Variants in SND1 observed in about 807,000 individuals in gnomAD.
SND1 encodes staphylococcal nuclease and tudor domain containing 1.
Under a neutral mutation model 121.7 loss-of-function variants are expected in SND1, and 38 were observed. The ratio of observed to expected loss-of-function variants is 0.31; its 90% CI spans 0.24 to 0.41. The LOEUF is 0.41. Among genes scored for constraint, SND1 ranks in the 10% least tolerant of loss-of-function variants. SND1 has a pLI of 1.00. For synonymous variants in SND1, 401 were observed against 447.4 expected (o/e 0.90, Z 1.31); for missense variants, 868 against 1,184.6 (o/e 0.73, Z 3.92).
At chr7:128,032,037 C>G (rs865907454) in intron 16 of SND1, 1 of 151,834 alleles carries the variant, frequency 6.6e-6, no homozygotes, top group Non-Finnish European at 1.5e-5. Context: ...GCGCCGGGCT[C>G]GCGGTGTTGC....
chr7:127,684,111 A>G (rs1795773895), intron 1 of SND1, among the ~76,000 whole-genome samples: 1 of 152,188 alleles, frequency 6.6e-6, no homozygotes, highest in Admixed American at 6.5e-5. Flanking sequence ...GGCTCTTCTC[A>G]TCAGTCCCTC....
chr7:127,667,533 G>T (rs1795440424), intron 1 of SND1, among the ~76,000 whole-genome samples: 1 of 152,196 alleles, frequency 6.6e-6, no homozygotes, highest in Admixed American at 6.5e-5. Context: ...CGCAGTAGCT[G>T]CTGTCCCCCA....
chr7:127,866,507 A>G (rs2116692366), intron 12 of SND1, among the ~76,000 whole-genome samples: 1 of 152,188 alleles, frequency 6.6e-6, no homozygotes, highest in East Asian at 1.9e-4. Context: ...GAAGGTAGTG[A>G]TTTAGTTATT....
chr7:127,890,358 T>C (rs948063268), intron 13 of SND1, among the ~76,000 whole-genome samples: 5 of 152,168 alleles, frequency 3.3e-5, no homozygotes, highest in African/African-American at 1.2e-4. Context: ...ATTTTGCCTA[T>C]TATTTTAATT....
At chr7:127,879,951 C>A (rs1266393781) in intron 12 of SND1, among the ~76,000 whole-genome samples, 6 of 152,274 alleles carry the variant, frequency 3.9e-5, no homozygotes, top group Non-Finnish European at 8.8e-5. Flanking sequence ...GAGATATATG[C>A]CTCTACTATC....
Position 128,030,751 on chromosome 7 carries a change from A to T in SND1, c.1779+39695A>T, listed in dbSNP as rs1226352113. On this transcript the variant is annotated intron_variant, in intron 16 of 23. Transcript: ENST00000354725. ...AGCTCCTCTTTCCATCTGGAGAAGG[A>T]GGTGGGGAGGGGGCGATTAGAGAGA... 4 of 1,347,928 alleles carry T rather than the reference A, an allele frequency of 3.0e-6. No homozygotes were observed. The Admixed American group carries it at 1.0e-4, about 35-fold the overall frequency. The allele number at this position is 1,347,928 out of a possible 1,614,324, so 83.5% of individuals were successfully genotyped here. A position where few individuals can be genotyped will look rare whatever the true frequency, so the allele number is the denominator to read the frequency against.
At chr7:127,776,655 T>C (rs1369851883) in intron 10 of SND1, among the ~76,000 whole-genome samples, 1 of 152,174 alleles carries the variant, frequency 6.6e-6, no homozygotes, top group Admixed American at 6.5e-5. Context: ...TATATAGGTG[T>C]AGTTAAGAAA....
intron 10 of SND1, among the ~76,000 whole-genome samples, chr7:127,727,930 G>C (rs1796611609): frequency 6.6e-6 from 1 of 152,052 alleles, no homozygotes; most frequent in African/African-American, 2.4e-5. Flanking sequence ...TTAATATCTG[G>C]GTACCAACAC....
At chr7:128,006,298 A>C (rs1310277290) in intron 16 of SND1, among the ~76,000 whole-genome samples, 2 of 151,966 alleles carry the variant, frequency 1.3e-5, no homozygotes, top group Admixed American at 1.3e-4. Context: ...TCACTTGGAA[A>C]AGGTAATGGT....
rs557269213 is a variant in SND1 at position 127,872,781 on chromosome 7, A to G, written c.1344-15121A>G. Among the ~76,000 whole-genome samples the G allele has an allele frequency of 3.9e-5, 6 of 152,292 alleles. No homozygotes were observed. The South Asian group carries it at 6.2e-4, about 16-fold the overall frequency. ...AGCTGAATATATTTTTGGTACCTAC[A>G]GATGTGAAATTATTTTAACTGGTAA... On this transcript the variant is annotated intron_variant, in intron 12 of 23. Coordinates refer to ENST00000354725, the MANE Select transcript of SND1 (RefSeq NM_014390.4).
intron 14 of SND1, among the ~76,000 whole-genome samples, chr7:127,905,469 T>G (rs1800316016): frequency 6.6e-6 from 1 of 152,150 alleles, no homozygotes. Context: ...ATTCATTTAG[T>G]CAACAAGTAT....
At chr7:127,839,716 A>G (rs980179651) in intron 11 of SND1, among the ~76,000 whole-genome samples, 1 of 152,232 alleles carries the variant, frequency 6.6e-6, no homozygotes, top group South Asian at 2.1e-4. Flanking sequence ...GGAAAATTCT[A>G]TAATCTAATA....
chr7:127,776,604 G>T (rs1002172751), intron 10 of SND1, among the ~76,000 whole-genome samples: 5 of 152,110 alleles, frequency 3.3e-5, no homozygotes, highest in African/African-American at 1.2e-4. Context: ...ACTAATCAAA[G>T]GAGGTACATA....
At chr7:127,840,016 A>T (rs1584610354) in intron 11 of SND1, among the ~76,000 whole-genome samples, 2 of 152,282 alleles carry the variant, frequency 1.3e-5, no homozygotes, top group East Asian at 1.9e-4. Context: ...TCATAATGTT[A>T]TGTCTGAAAA....
At chr7:127,705,586 T>TGTAGAC (rs1796176242) in intron 8 of SND1, among the ~76,000 whole-genome samples, 1 of 60,642 alleles carries the variant, frequency 1.6e-5, no homozygotes, top group Admixed American at 2.2e-4. Flanking sequence ...TAGATGCAGA[T>TGTAGAC]GTAGATGTAG....
At chr7:127,718,342 A>C (rs918976996) in intron 9 of SND1, among the ~76,000 whole-genome samples, 10 of 152,320 alleles carry the variant, frequency 6.6e-5, no homozygotes, top group African/African-American at 2.2e-4. Context: ...TCCACTCTGC[A>C]TCTCACTTAC....
rs1797477927 is a variant in SND1 at position 127,769,540 on chromosome 7, C to G, written c.1153-37944C>G. 1.3e-5 allele frequency among the ~76,000 whole-genome samples: 2 copies of G among 152,150 alleles called. 1 individual carries two copies. Among genetic ancestry groups the G allele is most frequent in the South Asian group, 4.1e-4 (2 of 4,830 alleles). On this transcript the variant is annotated intron_variant, in intron 10 of 23. Coordinates refer to ENST00000354725, the MANE Select transcript of SND1 (RefSeq NM_014390.4). ...CACCTCTTTTTCTGACAGTCCCTCC[C>G]TGGTTTCTCTCTGTTACTTATGTTT...
chr7:127,892,800 C>T (rs554046164), intron 13 of SND1, among the ~76,000 whole-genome samples: 1 of 151,300 alleles, frequency 6.6e-6, no homozygotes, highest in South Asian at 2.1e-4. Flanking sequence ...TTTGTCCCCC[C>T]CTCCCCACCC....
Position 128,046,879 on chromosome 7 carries a change from A to G in SND1, c.1780-27623A>G, listed in dbSNP as rs150096183. On this transcript the variant is annotated intron_variant, in intron 16 of 23. Coordinates refer to ENST00000354725, the MANE Select transcript of SND1 (RefSeq NM_014390.4). Reference sequence around the variant, plus strand: ...ACCAATAGAAATAAAGAATATATTCATATCATATTACAGTAATTGTAGGAA... The same window carrying G: ...ACCAATAGAAATAAAGAATATATTCGTATCATATTACAGTAATTGTAGGAA... 2.2e-3 allele frequency among the ~76,000 whole-genome samples: 334 copies of G among 152,358 alleles called. 3 individuals carry two copies. Among genetic ancestry groups the G allele is most frequent in the African/African-American group, 7.9e-3 (327 of 41,572 alleles).
Sources: gnomAD v4.1 joint callset for allele counts (sites outside exome capture counted in the v4.1 genomes callset) on GRCh38, gnomAD v4.1.1 for gene constraint, MANE v1.5 for transcripts, NCBI Gene and HGNC (gene_info 2026-07-23, HGNC 2026-07-21) for gene names.